RBBP5: variants seen among roughly 807,000 people sequenced by gnomAD.
RBBP5 encodes the protein retinoblastoma-binding protein 5.
RBBP5 carries 5 observed loss-of-function variants against 72.2 expected under a neutral mutation model. The ratio of observed to expected loss-of-function variants is 0.07; its 90% CI spans 0.04 to 0.15. The LOEUF (loss-of-function observed/expected upper bound fraction) is 0.15. Among genes scored for constraint, RBBP5 ranks in the 10% least tolerant of loss-of-function variants. RBBP5 has a pLI of 1.00. For synonymous variants in RBBP5, 209 were observed against 237.2 expected (o/e 0.88, Z 1.09); for missense variants, 322 against 652.2 (o/e 0.49, Z 5.51).
At position 205,099,304 on chromosome 1, in the gene RBBP5, T is replaced by C. The variant is rs1197619535; in HGVS notation, c.979-198A>G. The stretch of plus-strand genomic sequence containing the variant: ...ATCTTAAACATTAAGATAAGCTAAG[T>C]TATTAACTGTAGCTCTTTTGAATCA... On this transcript the variant is annotated intron_variant, in intron 9 of 13. Coordinates refer to ENST00000264515, the MANE Select transcript of RBBP5 (RefSeq NM_005057.4). The surrounding 1 kb of genome is among the most constrained non-coding windows in gnomAD (Gnocchi z 4.7). 6.6e-6 allele frequency among the ~76,000 whole-genome samples: 1 copy of C among 152,222 alleles called. No homozygotes were observed. Among genetic ancestry groups the C allele is most frequent in the Non-Finnish European group, 1.5e-5 (1 of 68,042 alleles).
chr1:205,105,693 G>A (rs753457738), intron 3 of RBBP5, among the ~76,000 whole-genome samples: 1 of 152,210 alleles, frequency 6.6e-6, no homozygotes, highest in South Asian at 2.1e-4. Flanking sequence ...GCCAGAGACT[G>A]TAGAATCTTA....
intron 12 of RBBP5, among the ~76,000 whole-genome samples, 193 bp downstream of exon 12, chr1:205,096,489 G>A (rs192318723): frequency 2.0e-3 from 304 of 152,240 alleles, no homozygotes; most frequent in Non-Finnish European, 3.4e-3. Flanking sequence ...AGTACTGAAG[G>A]GCAGAATTTC....
In RBBP5 at chr1:205,098,772, G is replaced by C. The variant is rs892462570; in HGVS notation, c.1096+217C>G. Among the ~76,000 whole-genome samples the C allele has an allele frequency of 2.6e-5, 4 of 151,246 alleles. No homozygotes were observed. The East Asian group carries it at 5.8e-4, about 22-fold the overall frequency. Reference sequence around the variant, plus strand: ...AGGCAGGAGAATCACTTGAACCCAGGGGGCAGAGGTTGCAGTGAGCCAAAA... The same window carrying C: ...AGGCAGGAGAATCACTTGAACCCAGCGGGCAGAGGTTGCAGTGAGCCAAAA... On this transcript the variant is annotated intron_variant, in intron 10 of 13. Transcript: ENST00000264515.
chr1:205,115,816 A>G, intron 2 of RBBP5, 42 bp downstream of exon 2: 1 of 1,551,020 alleles, frequency 6.4e-7, no homozygotes, highest in Non-Finnish European at 8.7e-7. Flanking sequence ...AACACCCAGA[A>G]GTTACTATGT....
chr1:205,110,961 G>A (rs998138408), intron 3 of RBBP5, among the ~76,000 whole-genome samples: 21 of 152,130 alleles, frequency 1.4e-4, no homozygotes, highest in African/African-American at 5.1e-4. Flanking sequence ...CTACTCAGGA[G>A]GCTGAGGCAG....
At chr1:205,096,939 T>C in intron 11 of RBBP5, 28 bp from the exon 12 acceptor site, 7 of 1,538,286 alleles carry the variant, frequency 4.6e-6, no homozygotes, top group Admixed American at 2.1e-5. Context: ...AGACAAGGGA[T>C]TGGAAAAAAG....
At chr1:205,108,794 A>G (rs1656184933) in intron 3 of RBBP5, among the ~76,000 whole-genome samples, 1 of 152,204 alleles carries the variant, frequency 6.6e-6, no homozygotes, top group Non-Finnish European at 1.5e-5. Context: ...TTAGCACGTT[A>G]CTTAAGCTTT....
In RBBP5 at chr1:205,093,558, A is replaced by ACACACACACACACACACACACACACG. The variant is rs1474687926; in HGVS notation, c.1588+1314_1588+1315insCGTGTGTGTGTGTGTGTGTGTGTGTG. Among the ~76,000 whole-genome samples, 31 of 115,962 alleles carry ACACACACACACACACACACACACACG rather than the reference A, an allele frequency of 2.7e-4. 1 individual carries two copies. The highest frequency in any genetic ancestry group is 4.0e-4 in the Non-Finnish European group (24 of 59,572). The allele number at this position is 115,962 out of a possible 152,430, so 76.1% of individuals were successfully genotyped here. ...TACACACACACACACACACACACAC[A>ACACACACACACACACACACACACACG]CACACACACACAGCATTATATGTAT... On this transcript the variant is annotated intron_variant, in intron 13 of 13. Transcript: ENST00000264515.
intron 13 of RBBP5, among the ~76,000 whole-genome samples, chr1:205,089,455 C>T (rs907484568): frequency 1.2e-4 from 18 of 152,126 alleles, no homozygotes; most frequent in Admixed American, 7.9e-4. Flanking sequence ...GTTAAATGAG[C>T]TGCTGTGAAA....
At chr1:205,103,778 A>G in intron 5 of RBBP5, 79 bp downstream of exon 5, 1 of 1,530,410 alleles carries the variant, frequency 6.5e-7, no homozygotes, top group Middle Eastern at 1.8e-4. Context: ...AATAAAAACA[A>G]TTTTCAAAAG....
chr1:205,088,685 A>G lies in RBBP5; in HGVS notation c.*102T>C, dbSNP rs1655219096. The G allele has an allele frequency of 4.8e-6, 6 of 1,248,244 alleles. No individual in the cohort carries two copies. Among genetic ancestry groups the G allele is most frequent in the African/African-American group, 4.7e-5 (3 of 64,242 alleles). 77.3% of individuals were successfully genotyped at this position (1,248,244 alleles called of 1,614,324 possible). A position where few individuals can be genotyped will look rare whatever the true frequency, so the allele number is the denominator to read the frequency against. On this transcript the variant is annotated 3_prime_UTR_variant, in exon 14 of 14. Coordinates refer to ENST00000264515, the MANE Select transcript of RBBP5 (RefSeq NM_005057.4). The stretch of plus-strand genomic sequence containing the variant: ...CTCCCACCTCCTGGGTGGGAGGCAC[A>G]GGCCTTTGTTTTAAATTAAAGTCAA...
In RBBP5 at chr1:205,100,227, T is replaced by C; in HGVS notation, c.677A>G (p.Asp226Gly). Residue 226 changes from aspartate to glycine, a missense_variant, in exon 7 of 14, where the codon GAT (aspartate) becomes GGT (glycine). Asp to Gly is a moderately conservative substitution (Grantham distance 94). Around this residue, in one of 6 missense-constraint regions of RBBP5, gnomAD observed 161 missense variants for 327.8 expected, o/e 0.49. Transcript: ENST00000264515. Reference sequence around the variant, plus strand: ...TCCACATGTTAAGATTTCTCTGCCATCATAAACTCTGATTATTCGATCTGC... The same window carrying C: ...TCCACATGTTAAGATTTCTCTGCCACCATAAACTCTGATTATTCGATCTGC... ...NTADRIIRVY[D>G]GREILTCGRD... is the part of the protein sequence containing the mutation. 6.2e-7 allele frequency: 1 copy of C among 1,614,146 alleles called. No individual in the cohort carries two copies. The highest frequency in any genetic ancestry group is 8.5e-7 in the Non-Finnish European group (1 of 1,180,016).
intron 3 of RBBP5, among the ~76,000 whole-genome samples, chr1:205,113,286 C>T (rs1374123202): frequency 6.9e-6 from 1 of 145,210 alleles, no homozygotes; most frequent in East Asian, 2.0e-4. Flanking sequence ...GGTAAGAGTT[C>T]TTTTTTTTTT....
At chr1:205,110,046 T>C (rs1558579393) in intron 3 of RBBP5, among the ~76,000 whole-genome samples, 2 of 151,892 alleles carry the variant, frequency 1.3e-5, no homozygotes, top group Non-Finnish European at 2.9e-5. Flanking sequence ...TTTGGGTTTT[T>C]TTTTTCCGAG....
intron 3 of RBBP5, among the ~76,000 whole-genome samples, chr1:205,107,323 T>C (rs1465173085): frequency 2.6e-5 from 4 of 151,588 alleles, no homozygotes; most frequent in Non-Finnish European, 5.9e-5. Context: ...CTCCGAGAAA[T>C]ACAAACTTCT....
chr1:205,117,305 C>T (rs1656564740), intron 1 of RBBP5, among the ~76,000 whole-genome samples: 1 of 152,038 alleles, frequency 6.6e-6, no homozygotes, highest in Non-Finnish European at 1.5e-5. Flanking sequence ...CCACCTGCCT[C>T]AGCTTCCCAA....
At chr1:205,098,059 T>C (rs571023605) in intron 10 of RBBP5, among the ~76,000 whole-genome samples, 84 of 152,270 alleles carry the variant, frequency 5.5e-4, no homozygotes, top group African/African-American at 1.9e-3. Context: ...AAGGAGCTCC[T>C]ATCTAGAAAT....
chr1:205,119,742 T>C (rs1467985030), intron 1 of RBBP5, among the ~76,000 whole-genome samples: 7 of 152,226 alleles, frequency 4.6e-5, no homozygotes, highest in Non-Finnish European at 7.3e-5. Context: ...CTACATAGAT[T>C]AATACATGGA....
intron 10 of RBBP5, 91 bp downstream of exon 10, chr1:205,098,898 G>T: frequency 4.9e-6 from 4 of 817,196 alleles, no homozygotes; most frequent in South Asian, 2.8e-5. Context: ...TAGATGAAGT[G>T]CTGAAATAAA....
Sources: allele counts gnomAD v4.1 joint callset (sites outside exome capture counted in the v4.1 genomes callset), GRCh38; gene constraint gnomAD v4.1.1; regional missense constraint gnomAD v4.1.1; non-coding constraint Gnocchi (gnomAD v3.1); transcripts MANE v1.5; gene names NCBI Gene and HGNC (gene_info 2026-07-23, HGNC 2026-07-21).